The following SEMA5A variants were observed in gnomAD, a reference collection of about 807,000 sequenced individuals.
The protein encoded by SEMA5A is semaphorin-5A.
A neutral mutation model predicts 135.5 loss-of-function variants in SEMA5A; 55 were observed. That is an observed-to-expected ratio of 0.41 (90% CI 0.33 to 0.51). The LOEUF (loss-of-function observed/expected upper bound fraction) is 0.51, where lower values mean the gene tolerates loss of function less well. Ranked by LOEUF, SEMA5A falls within the 20% of genes least tolerant of loss-of-function variation. The pLI, the probability that SEMA5A is intolerant of heterozygous loss-of-function variation, is 0.37. For synonymous variants in SEMA5A, 580 were observed against 546.5 expected, an observed-to-expected ratio of 1.06 and a Z score of -0.85; for missense variants, 1,290 against 1,419.9, an observed-to-expected ratio of 0.91 and a Z score of 1.47.
intron 13 of SEMA5A, among the ~76,000 whole-genome samples, chr5:9,124,545 C>A (rs1741001580): frequency 6.6e-6 from 1 of 152,150 alleles, no homozygotes; most frequent in African/African-American, 2.4e-5. Context: ...CAACCTCCAC[C>A]TCCCAGGTTC....
At chr5:9,161,774 A>C (rs1434023927) in intron 11 of SEMA5A, among the ~76,000 whole-genome samples, 2 of 152,208 alleles carry the variant, frequency 1.3e-5, no homozygotes, top group African/African-American at 4.8e-5. Flanking sequence ...TCACATATTG[A>C]ACCTTGCCCT....
intron 5 of SEMA5A, among the ~76,000 whole-genome samples, chr5:9,295,634 T>G (rs1358177399): frequency 1.3e-5 from 2 of 152,142 alleles, no homozygotes; most frequent in African/African-American, 4.8e-5. Flanking sequence ...GTCTGAGAGC[T>G]AATCTGGAAT....
chr5:9,476,528 G>A (rs989532764), intron 1 of SEMA5A, among the ~76,000 whole-genome samples: 3 of 152,198 alleles, frequency 2.0e-5, no homozygotes, highest in Middle Eastern at 3.4e-3. Context: ...GGAGGGTTAT[G>A]GCAAGAGCAA....
chr5:9,054,545 G>A (rs945365199), intron 18 of SEMA5A, among the ~76,000 whole-genome samples: 16 of 152,022 alleles, frequency 1.1e-4, no homozygotes, highest in African/African-American at 2.9e-4. Flanking sequence ...TAAATCAATC[G>A]TATCTAAGTA....
intron 1 of SEMA5A, among the ~76,000 whole-genome samples, chr5:9,514,271 G>A (rs781753728): frequency 2.0e-5 from 3 of 152,096 alleles, no homozygotes; most frequent in African/African-American, 7.2e-5. Context: ...GGACAATGCA[G>A]AATAATCTCT....
intron 4 of SEMA5A, among the ~76,000 whole-genome samples, chr5:9,323,610 T>C (rs1752729831): frequency 6.6e-6 from 1 of 151,888 alleles, no homozygotes; most frequent in African/African-American, 2.4e-5. Context: ...TTTGTTTGAT[T>C]TTTAAGGCAC....
chr5:9,516,619 AC>A (rs1736535077), intron 1 of SEMA5A: 1 of 152,204 alleles, frequency 6.6e-6, no homozygotes, highest in Non-Finnish European at 1.5e-5. Flanking sequence ...AAAGGGGTTG[AC>A]CATTTACAAG....
chr5:9,142,711 A>C (rs1051829073), intron 12 of SEMA5A, among the ~76,000 whole-genome samples: 1 of 152,200 alleles, frequency 6.6e-6, no homozygotes, highest in Admixed American at 6.5e-5. Flanking sequence ...TCATGCCTGT[A>C]ATCCCAACAC....
intron 7 of SEMA5A, among the ~76,000 whole-genome samples, chr5:9,225,112 G>A (rs896629383): frequency 2.0e-5 from 3 of 151,982 alleles, no homozygotes; most frequent in African/African-American, 7.3e-5. Flanking sequence ...TAGAGTTACT[G>A]AACCTTGTAC....
chr5:9,482,742 C>G (rs1759923569), intron 1 of SEMA5A, among the ~76,000 whole-genome samples: 1 of 152,194 alleles, frequency 6.6e-6, no homozygotes, highest in Admixed American at 6.5e-5. Flanking sequence ...AGGAACAGCT[C>G]CAGCACAGAG....
chr5:9,142,387 T>C (rs2150232507), intron 12 of SEMA5A, among the ~76,000 whole-genome samples: 1 of 152,282 alleles, frequency 6.6e-6, no homozygotes, highest in South Asian at 2.1e-4. Context: ...GAGGCTGGAC[T>C]TGGGCTGAAG....
intron 5 of SEMA5A, among the ~76,000 whole-genome samples, chr5:9,241,340 G>T (rs112507561): frequency 6.6e-6 from 1 of 151,928 alleles, no homozygotes; most frequent in Non-Finnish European, 1.5e-5. Context: ...CTATGTGACT[G>T]ACAGAAGGAA....
intron 11 of SEMA5A, among the ~76,000 whole-genome samples, chr5:9,170,576 G>C (rs939702781): frequency 3.3e-5 from 5 of 151,994 alleles, no homozygotes; most frequent in African/African-American, 2.4e-5. Flanking sequence ...CATGAGGGTG[G>C]AGCCCTCATG....
At chr5:9,541,809 G>A (rs1370531121) in intron 1 of SEMA5A, among the ~76,000 whole-genome samples, 1 of 152,182 alleles carries the variant, frequency 6.6e-6, no homozygotes, top group African/African-American at 2.4e-5. Context: ...AATATGACTT[G>A]TCTTTGAAGT....
chr5:9,432,688 A>G (rs1757899511), intron 2 of SEMA5A, among the ~76,000 whole-genome samples: 1 of 152,206 alleles, frequency 6.6e-6, no homozygotes, highest in African/African-American at 2.4e-5. Flanking sequence ...ACATTATTGT[A>G]CGCACATCAC....
rs142529154 is a variant in SEMA5A, at chr5:9,150,789, T to C, written c.1481+3699A>G. On this transcript the variant is annotated intron_variant, in intron 12 of 22. Transcript: ENST00000382496. ...TGATCCAGTCTGATGGCAAGCAGAA[T>C]GAGGAAGAGGCTAACGGGAAGGGGG... Among the ~76,000 whole-genome samples, 538 of 152,272 alleles carry C rather than the reference T, an allele frequency of 3.5e-3. 2 individuals are homozygous for C. Among genetic ancestry groups the C allele is most frequent in the African/African-American group, 0.012 (519 of 41,564 alleles).
intron 3 of SEMA5A, among the ~76,000 whole-genome samples, chr5:9,373,168 T>C (rs1426261864): frequency 6.6e-6 from 1 of 152,130 alleles, no homozygotes; most frequent in Non-Finnish European, 1.5e-5. Context: ...ATTCTTCCTG[T>C]CAAAATTTAA....
intron 5 of SEMA5A, among the ~76,000 whole-genome samples, chr5:9,299,760 C>T (rs775221575): frequency 5.3e-5 from 8 of 152,098 alleles, no homozygotes; most frequent in Non-Finnish European, 1.0e-4. Flanking sequence ...CTCTAAAATG[C>T]CAAAGAATAT....
chr5:9,092,080 G>C (rs1277778167), intron 16 of SEMA5A, among the ~76,000 whole-genome samples: 3 of 152,136 alleles, frequency 2.0e-5, no homozygotes, highest in African/African-American at 7.2e-5. Context: ...TCCAGAGTGA[G>C]AGCTCCTTAA....
Sources: allele counts gnomAD v4.1 joint callset (sites outside exome capture counted in the v4.1 genomes callset), GRCh38; gene constraint gnomAD v4.1.1; transcripts MANE v1.5; gene names NCBI Gene and HGNC (gene_info 2026-07-23, HGNC 2026-07-21).